Variants in RBFOX1 observed in about 807,000 individuals in gnomAD.
The protein encoded by RBFOX1 is RNA binding fox-1 homolog 1.
Under a neutral mutation model 57.7 loss-of-function variants are expected in RBFOX1, and 8 were observed. That is an observed-to-expected ratio of 0.14 (90% CI 0.08 to 0.25). RBFOX1 has a LOEUF of 0.25. Ranked by LOEUF, RBFOX1 falls within the 10% of genes least tolerant of loss-of-function variation. RBFOX1 has a pLI of 1.00. For synonymous variants in RBFOX1, 326 were observed against 222.4 expected (o/e 1.47, Z -4.15); for missense variants, 611 against 548.5 (o/e 1.11, Z -1.14).
At chr16:6,228,763 A>T (rs900800615) in intron 1 of RBFOX1, among the ~76,000 whole-genome samples, 1 of 152,200 alleles carries the variant, frequency 6.6e-6, no homozygotes, top group Non-Finnish European at 1.5e-5. Flanking sequence ...GTTAGTACCA[A>T]TGTATGGTGC....
At chr16:5,891,267 G>A (rs988454345) in intron 4 of RBFOX1, among the ~76,000 whole-genome samples, 17 of 152,286 alleles carry the variant, frequency 1.1e-4, no homozygotes, top group African/African-American at 3.1e-4. Flanking sequence ...CCAAGGGCAC[G>A]GGAGGAGCTG....
At chr16:5,284,086 T>C (rs892123963) in intron 1 of RBFOX1, among the ~76,000 whole-genome samples, 4 of 152,038 alleles carry the variant, frequency 2.6e-5, no homozygotes, top group African/African-American at 9.7e-5. Context: ...TCTGATGGTT[T>C]TAAAAAGGGT....
intron 1 of RBFOX1, among the ~76,000 whole-genome samples, chr16:6,053,252 A>G (rs994335174): frequency 4.6e-5 from 7 of 152,202 alleles, no homozygotes; most frequent in African/African-American, 1.4e-4. Flanking sequence ...GGAAACAATA[A>G]ATAACGGAAT....
chr16:6,387,410 C>T (rs1388589480), intron 2 of RBFOX1, among the ~76,000 whole-genome samples: 2 of 148,656 alleles, frequency 1.3e-5, no homozygotes, highest in Admixed American at 6.8e-5. Flanking sequence ...TCCTCGGATT[C>T]GTATGTGCAA....
intron 3 of RBFOX1, among the ~76,000 whole-genome samples, chr16:5,712,812 C>T (rs940911493): frequency 2.6e-5 from 4 of 152,192 alleles, no homozygotes; most frequent in Non-Finnish European, 4.4e-5. Flanking sequence ...GTTTTTAATG[C>T]TACTTCTTTT....
At chr16:6,734,815 T>C (rs2069670870) in intron 3 of RBFOX1, among the ~76,000 whole-genome samples, 1 of 152,170 alleles carries the variant, frequency 6.6e-6, no homozygotes, top group Non-Finnish European at 1.5e-5. Context: ...TTACGAAATC[T>C]AGATGCATAA....
chr16:7,616,418 A>C (rs1411323768), intron 10 of RBFOX1, among the ~76,000 whole-genome samples: 2 of 152,216 alleles, frequency 1.3e-5, no homozygotes, highest in Non-Finnish European at 2.9e-5. Flanking sequence ...CACATAGGCA[A>C]GCTGCACCTG....
At chr16:7,077,484 A>T (rs9934450) in intron 4 of RBFOX1, among the ~76,000 whole-genome samples, 124,761 of 152,184 alleles carry the variant, frequency 0.82, 51,727 homozygotes, top group African/African-American at 0.94. Context: ...CTGTGCCATT[A>T]GTAAGATCAT....
At position 7,375,469 on chromosome 16, in the gene RBFOX1, T is replaced by C. The variant is rs542003803; in HGVS notation, c.28-142678T>C. On this transcript the variant is annotated intron_variant, in intron 4 of 15. Transcript: ENST00000550418. Reference sequence around the variant, plus strand: ...TCAATCCAGGAAAGAGAGACCTGCATTGGGCTCCCATGTGTTACGAGAGGT... The same window carrying C: ...TCAATCCAGGAAAGAGAGACCTGCACTGGGCTCCCATGTGTTACGAGAGGT... Among the ~76,000 whole-genome samples, 66 of 152,244 alleles carry C rather than the reference T, an allele frequency of 4.3e-4. 1 individual carries two copies. Among genetic ancestry groups the C allele is most frequent in the East Asian group, 2.3e-3 (12 of 5,178 alleles).
At chr16:6,837,189 T>A (rs542309200) in intron 3 of RBFOX1, among the ~76,000 whole-genome samples, 55 of 152,332 alleles carry the variant, frequency 3.6e-4, no homozygotes, top group African/African-American at 1.3e-3. Flanking sequence ...TAAAATCAGG[T>A]TAGGTTGTAC....
chr16:7,678,514 T>C (rs1355649655), intron 14 of RBFOX1, among the ~76,000 whole-genome samples: 3 of 152,196 alleles, frequency 2.0e-5, no homozygotes, highest in Non-Finnish European at 2.9e-5. Context: ...ACACCCACTT[T>C]GTATATAATT....
intron 3 of RBFOX1, among the ~76,000 whole-genome samples, chr16:6,962,172 C>T (rs2083161523): frequency 6.6e-6 from 1 of 152,110 alleles, no homozygotes; most frequent in Non-Finnish European, 1.5e-5. Context: ...CTTCCAAATG[C>T]TCCTTGGTTT....
intron 2 of RBFOX1, among the ~76,000 whole-genome samples, chr16:6,535,653 C>T (rs2096725036): frequency 6.6e-6 from 1 of 152,168 alleles, no homozygotes. Context: ...TTGCTCCAGG[C>T]TTCTTGTAAA....
At chr16:7,238,986 G>C (rs927182204) in intron 4 of RBFOX1, among the ~76,000 whole-genome samples, 2 of 152,084 alleles carry the variant, frequency 1.3e-5, no homozygotes, top group Non-Finnish European at 2.9e-5. Context: ...TCTTTTTTAT[G>C]GCTGCATAGC....
intron 2 of RBFOX1, among the ~76,000 whole-genome samples, chr16:6,546,866 C>G (rs1279625544): frequency 6.6e-6 from 1 of 152,186 alleles, no homozygotes; most frequent in Non-Finnish European, 1.5e-5. Context: ...CAAGTTCAAA[C>G]ACAGATCATG....
In RBFOX1 at chr16:6,210,361, C is replaced by CAAAAA. The variant is rs3064933; in HGVS notation, c.-126-106621_-126-106617dup. 1.5e-3 allele frequency among the ~76,000 whole-genome samples: 90 copies of CAAAAA among 61,460 alleles called. 2 individuals carry two copies. The highest frequency in any genetic ancestry group is 2.1e-3 in the Non-Finnish European group (61 of 28,754). 40.3% of individuals were successfully genotyped at this position (61,460 alleles called of 152,430 possible). A position where few individuals can be genotyped will look rare whatever the true frequency, so the allele number is the denominator to read the frequency against. On this transcript the variant is annotated intron_variant, in intron 1 of 15. Transcript: ENST00000550418. The stretch of plus-strand genomic sequence containing the variant: ...ACAAAAAAACAAAAAAAAAAAACAC[C>CAAAAA]AAAAAAAAAAAAAAAAAGAGAAAGG...
chr16:7,446,069 C>G (rs1168469387), intron 4 of RBFOX1, among the ~76,000 whole-genome samples: 1 of 152,320 alleles, frequency 6.6e-6, no homozygotes, highest in Middle Eastern at 3.4e-3. Flanking sequence ...GCTACTCCAT[C>G]TTGTCTGAGA....
At chr16:5,480,762 C>T (rs935860434) in intron 2 of RBFOX1, among the ~76,000 whole-genome samples, 2 of 152,220 alleles carry the variant, frequency 1.3e-5, no homozygotes, top group African/African-American at 4.8e-5. Flanking sequence ...TCCAGATCAG[C>T]AGAAACAGTT....
intron 4 of RBFOX1, among the ~76,000 whole-genome samples, chr16:7,355,583 A>G (rs1326901068): frequency 4.6e-5 from 7 of 152,090 alleles, no homozygotes; most frequent in African/African-American, 1.4e-4. Flanking sequence ...CATTGCTTTT[A>G]TTTATCTAAC....
Sources: gnomAD v4.1 joint callset for allele counts (sites outside exome capture counted in the v4.1 genomes callset) on GRCh38, gnomAD v4.1.1 for gene constraint, MANE v1.5 for transcripts, NCBI Gene and HGNC (gene_info 2026-07-23, HGNC 2026-07-21) for gene names.